PRLR: variants seen among roughly 807,000 people sequenced by gnomAD.
PRLR encodes the protein hPRL receptor.
In PRLR, 13 loss-of-function variants were observed where a neutral mutation model predicts 40.2. That is an observed-to-expected ratio of 0.32 (90% confidence interval 0.21 to 0.51). The LOEUF (loss-of-function observed/expected upper bound fraction) is 0.51, where lower values mean the gene tolerates loss of function less well. Among genes scored for constraint, PRLR ranks in the 20% least tolerant of loss-of-function variants. The pLI is 0.97. For synonymous variants in PRLR, 269 were observed against 278.7 expected, an observed-to-expected ratio of 0.97 and a Z score of 0.35; for missense variants, 656 against 747.3, an observed-to-expected ratio of 0.88 and a Z score of 1.42.
At chr5:35,081,438 C>A in intron 5 of PRLR, 1 of 193,808 alleles carries the variant, frequency 5.2e-6, no homozygotes, top group Non-Finnish European at 1.1e-5. Flanking sequence ...CCTGACCTGC[C>A]ATCTGGATAA....
In PRLR at chr5:35,063,436, T is replaced by C. The variant is rs1230002475; in HGVS notation, c.*1653A>G. ...AGTGAAGGGAAAAATAGAGAGGGGC[T>C]GCTAGATGAGTCATGGATGCGCCCT... On this transcript the variant is annotated 3_prime_UTR_variant, in exon 10 of 10. Coordinates refer to ENST00000618457, the MANE Select transcript of PRLR (RefSeq NM_000949.7). The C allele has an allele frequency of 6.6e-6, 1 of 152,160 alleles. No individual in the cohort carries two copies. The highest frequency in any genetic ancestry group is 1.9e-4 in the East Asian group (1 of 5,192). 9.4% of individuals were successfully genotyped at this position (152,160 alleles called of 1,614,324 possible). A position where few individuals can be genotyped will look rare whatever the true frequency, so the allele number is the denominator to read the frequency against.
intron 7 of PRLR, 127 bp downstream of exon 7, chr5:35,069,997 A>T (rs1769640842): frequency 8.9e-7 from 1 of 1,123,684 alleles, no homozygotes; most frequent in African/African-American, 1.6e-5. Context: ...GGGCAGAAAG[A>T]TTATAAACCC....
chr5:35,065,841 TGGAG>T lies in PRLR; in HGVS notation c.1113_1116del (p.Ser372HisfsTer25). 6.2e-7 allele frequency: 1 copy of T among 1,614,090 alleles called. No homozygotes were observed. Reference sequence around the variant, plus strand: ...TCAATGACCTCAGGATCATAGAATGTGGAGGGATTGGCCTGGGGTTCCTCACACT... The same window carrying T: ...TCAATGACCTCAGGATCATAGAATGTGGATTGGCCTGGGGTTCCTCACACT... On this transcript the variant is annotated frameshift_variant, in exon 10 of 10. Transcript: ENST00000618457. LOFTEE classifies it low-confidence loss of function (END_TRUNC).
At chr5:35,176,096 G>C (rs1292651657) in intron 1 of PRLR, among the ~76,000 whole-genome samples, 2 of 152,042 alleles carry the variant, frequency 1.3e-5, no homozygotes, top group Admixed American at 1.3e-4. Flanking sequence ...ATGTTTATCT[G>C]CCTGAGTGAT....
intron 1 of PRLR, among the ~76,000 whole-genome samples, chr5:35,187,417 G>A (rs1216277286): frequency 6.6e-6 from 1 of 151,144 alleles, no homozygotes; most frequent in East Asian, 1.9e-4. Flanking sequence ...AAAAAAAGAA[G>A]AAGAAGGTTG....
chr5:35,189,223 T>G (rs1041276873), intron 1 of PRLR, among the ~76,000 whole-genome samples: 32 of 152,266 alleles, frequency 2.1e-4, no homozygotes, highest in Admixed American at 2.0e-3. Context: ...TTCCTCACAG[T>G]ACCAGAAGAG....
chr5:35,221,839 C>T (rs1163072351), intron 1 of PRLR, among the ~76,000 whole-genome samples: 1 of 152,154 alleles, frequency 6.6e-6, no homozygotes, highest in Non-Finnish European at 1.5e-5. Context: ...AAAGAAAACC[C>T]AACCATTTGG....
chr5:35,086,376 G>A (rs773550259), intron 3 of PRLR, 36 bp from the exon 4 acceptor site: 2 of 1,609,562 alleles, frequency 1.2e-6, no homozygotes, highest in South Asian at 2.2e-5. Context: ...TCAATATTGA[G>A]GTCCATTTAA....
chr5:35,153,484 G>A (rs1164961164), intron 1 of PRLR, among the ~76,000 whole-genome samples: 1 of 152,146 alleles, frequency 6.6e-6, no homozygotes, highest in Non-Finnish European at 1.5e-5. Context: ...AAAGCCATAT[G>A]TAAAACTGGC....
chr5:35,097,621 G>A (rs1771611737), intron 2 of PRLR, among the ~76,000 whole-genome samples: 3 of 151,822 alleles, frequency 2.0e-5, no homozygotes, highest in African/African-American at 7.3e-5. Flanking sequence ...CAGGTCAGAG[G>A]ACCTTGGGGT....
At chr5:35,187,876 G>T (rs1435327063) in intron 1 of PRLR, among the ~76,000 whole-genome samples, 1 of 152,136 alleles carries the variant, frequency 6.6e-6, no homozygotes, top group African/African-American at 2.4e-5. Flanking sequence ...CCATTGCCTT[G>T]GACTTGGAGG....
At chr5:35,076,801 T>C (rs1770132262) in intron 5 of PRLR, among the ~76,000 whole-genome samples, 1 of 152,122 alleles carries the variant, frequency 6.6e-6, no homozygotes, top group Non-Finnish European at 1.5e-5. Flanking sequence ...GAGAGAAAGG[T>C]CAGGCTACCC....
intron 1 of PRLR, among the ~76,000 whole-genome samples, chr5:35,167,175 ATC>A (rs1325866388): frequency 6.6e-6 from 1 of 151,660 alleles, no homozygotes; most frequent in Non-Finnish European, 1.5e-5. Flanking sequence ...CTATCTATCT[ATC>A]TATCTATCTA....
At chr5:35,221,983 C>A (rs1023816734) in intron 1 of PRLR, among the ~76,000 whole-genome samples, 4 of 152,168 alleles carry the variant, frequency 2.6e-5, no homozygotes, top group Admixed American at 1.3e-4. Flanking sequence ...AACCCAGAAG[C>A]TCCCAACACA....
In PRLR at chr5:35,204,239, G is replaced by GAAA. The variant is rs138279788; in HGVS notation, c.-106+26026_-106+26028dup. On this transcript the variant is annotated intron_variant, in intron 1 of 9. Coordinates refer to ENST00000618457, the MANE Select transcript of PRLR (RefSeq NM_000949.7). ...CAAAAAAAAAAATAATAAATAAAAT[G>GAAA]AAAAAAAAAACATAAAAACACACAC... Among the ~76,000 whole-genome samples the GAAA allele has an allele frequency of 1.3e-3, 181 of 143,510 alleles. 2 individuals are homozygous for GAAA. The highest frequency in any genetic ancestry group is 4.0e-3 in the African/African-American group (156 of 39,076). The allele number at this position is 143,510 out of a possible 152,430, so 94.1% of individuals were successfully genotyped here.
At chr5:35,204,718 A>G (rs1775970699) in intron 1 of PRLR, among the ~76,000 whole-genome samples, 2 of 152,192 alleles carry the variant, frequency 1.3e-5, no homozygotes, top group South Asian at 4.1e-4. Context: ...AGCCTTACAC[A>G]TGACAATGCT....
At chr5:35,224,901 A>G (rs1776513724) in intron 1 of PRLR, among the ~76,000 whole-genome samples, 1 of 139,084 alleles carries the variant, frequency 7.2e-6, no homozygotes, top group Non-Finnish European at 1.6e-5. Context: ...GACATATTTG[A>G]GGGCCACTTT....
At chr5:35,089,488 A>G in intron 3 of PRLR, 63 bp downstream of exon 3, 1 of 1,130,214 alleles carries the variant, frequency 8.8e-7, no homozygotes, top group Non-Finnish European at 1.4e-6. Context: ...GACTGCATGG[A>G]CTCTCCACCC....
At chr5:35,173,842 T>C (rs1386492944) in intron 1 of PRLR, among the ~76,000 whole-genome samples, 2 of 152,232 alleles carry the variant, frequency 1.3e-5, no homozygotes, top group East Asian at 3.8e-4. Flanking sequence ...TTTTTACTTT[T>C]TTTATTATAC....
Sources: gnomAD v4.1 joint callset for allele counts (sites outside exome capture counted in the v4.1 genomes callset) on GRCh38, gnomAD v4.1.1 for gene constraint, MANE v1.5 for transcripts, NCBI Gene and HGNC (gene_info 2026-07-23, HGNC 2026-07-21) for gene names.